TMEM135: variants seen among roughly 807,000 people sequenced by gnomAD.
TMEM135 encodes the protein peroxisomal membrane protein 52.
Under a neutral mutation model 60.3 loss-of-function variants are expected in TMEM135, and 30 were observed. That is an observed-to-expected ratio of 0.50 (90% CI 0.37 to 0.68). The LOEUF (loss-of-function observed/expected upper bound fraction) is 0.68. Ranked by LOEUF, TMEM135 falls within the 30% of genes least tolerant of loss-of-function variation. The pLI is 0.00. For synonymous variants in TMEM135, 190 were observed against 186.7 expected (o/e 1.02, Z -0.14); for missense variants, 468 against 548.8 (o/e 0.85, Z 1.47).
intron 8 of TMEM135, among the ~76,000 whole-genome samples, chr11:87,304,248 G>A (rs567125676): frequency 3.7e-4 from 57 of 152,276 alleles, no homozygotes; most frequent in African/African-American, 1.3e-3. Context: ...GCATGTGCCT[G>A]TAGTCCTAGC....
Position 87,067,706 on chromosome 11 carries a change from C to A in TMEM135, c.154C>A (p.Leu52Ile). The change falls in exon 2 of 15, where the codon CTC becomes ATC. Residue 52 changes from leucine to isoleucine, a missense_variant. Physicochemically the swap from Leu to Ile is conservative, Grantham distance 5 (BLOSUM62 2). Transcript: ENST00000305494. Reference sequence around the variant, plus strand: ...TTTCTCTTTCCAGATTGCAGCAATTCTCCGGAAACGGAAATTAGACTATTA... The same window carrying A: ...TTTCTCTTTCCAGATTGCAGCAATTATCCGGAAACGGAAATTAGACTATTA... ...YAPLYLIAAI[L>I]RKRKLDYYLH... 1 of 1,613,766 alleles carries A rather than the reference C, an allele frequency of 6.2e-7. No homozygotes were observed. The highest frequency in any genetic ancestry group is 1.7e-5 in the Admixed American group (1 of 60,020).
At chr11:87,190,504 A>G (rs899311294) in intron 5 of TMEM135, among the ~76,000 whole-genome samples, 1 of 152,200 alleles carries the variant, frequency 6.6e-6, no homozygotes, top group Non-Finnish European at 1.5e-5. Context: ...AATTTCTAAG[A>G]TATTTTTAAA....
chr11:87,264,777 A>T (rs1941719081), intron 6 of TMEM135, among the ~76,000 whole-genome samples: 1 of 151,872 alleles, frequency 6.6e-6, no homozygotes, highest in Admixed American at 6.6e-5. Context: ...CTTAAACTTT[A>T]TTCTTTGTTT....
chr11:87,075,568 A>T (rs1240846670), intron 3 of TMEM135, among the ~76,000 whole-genome samples: 3 of 152,294 alleles, frequency 2.0e-5, no homozygotes, highest in East Asian at 3.9e-4. Context: ...GGGATTACAG[A>T]TGTGAACCAC....
At chr11:87,079,239 C>G (rs780060130) in intron 3 of TMEM135, among the ~76,000 whole-genome samples, 4 of 152,094 alleles carry the variant, frequency 2.6e-5, no homozygotes, top group Non-Finnish European at 5.9e-5. Context: ...CTCCCGACCT[C>G]AGGTGATCCA....
chr11:87,042,768 A>G (rs532042503), intron 1 of TMEM135, among the ~76,000 whole-genome samples: 1 of 151,292 alleles, frequency 6.6e-6, no homozygotes, highest in African/African-American at 2.5e-5. Context: ...TTCTTGTTCT[A>G]TACATTTGCC....
chr11:87,237,344 A>G (rs1053803426), intron 6 of TMEM135, among the ~76,000 whole-genome samples: 2 of 151,838 alleles, frequency 1.3e-5, no homozygotes, highest in Non-Finnish European at 2.9e-5. Flanking sequence ...ATTTTTAGTG[A>G]TACCAATTAA....
intron 6 of TMEM135, among the ~76,000 whole-genome samples, chr11:87,252,418 C>T (rs1208930942): frequency 6.6e-6 from 1 of 152,254 alleles, no homozygotes; most frequent in East Asian, 1.9e-4. Context: ...ATAGAAAAAT[C>T]TAATGCTCGT....
In TMEM135 at chr11:87,325,144, G is replaced by T. The variant is rs1565174431; in HGVS notation, c.*3811G>T. On this transcript the variant is annotated 3_prime_UTR_variant, in exon 15 of 15. Coordinates refer to ENST00000305494, the MANE Select transcript of TMEM135 (RefSeq NM_022918.4). ...ACTGAGATGACCCTCAGATTGGGGG[G>T]CTGTCTTAGATTCTAGGGCTTTGTA... 1 of 453,442 alleles carries T rather than the reference G, an allele frequency of 2.2e-6. No homozygotes were observed. The highest frequency in any genetic ancestry group is 2.0e-5 in the African/African-American group (1 of 49,530). 28.1% of individuals were successfully genotyped at this position (453,442 alleles called of 1,614,324 possible). A position where few individuals can be genotyped will look rare whatever the true frequency, so the allele number is the denominator to read the frequency against.
At chr11:87,249,215 C>G (rs777668475) in intron 6 of TMEM135, among the ~76,000 whole-genome samples, 1 of 152,112 alleles carries the variant, frequency 6.6e-6, no homozygotes, top group Non-Finnish European at 1.5e-5. Flanking sequence ...CACTATGATA[C>G]TATCTGTGGG....
At chr11:87,105,145 C>T (rs1412115673) in intron 4 of TMEM135, among the ~76,000 whole-genome samples, 1 of 152,112 alleles carries the variant, frequency 6.6e-6, no homozygotes, top group Non-Finnish European at 1.5e-5. Flanking sequence ...ATTTTGTCTG[C>T]ATCTCTTGAG....
At chr11:87,209,454 G>A (rs1447373176) in intron 5 of TMEM135, among the ~76,000 whole-genome samples, 1 of 151,860 alleles carries the variant, frequency 6.6e-6, no homozygotes, top group East Asian at 1.9e-4. Context: ...GACAAAGAAG[G>A]GCATTGCATA....
At chr11:87,124,837 T>C (rs1045807268) in intron 4 of TMEM135, among the ~76,000 whole-genome samples, 4 of 152,200 alleles carry the variant, frequency 2.6e-5, no homozygotes, top group African/African-American at 9.7e-5. Context: ...CTCTTACTTC[T>C]GTTCTTCTCT....
chr11:87,188,147 T>G (rs1322340293), intron 5 of TMEM135, among the ~76,000 whole-genome samples: 2 of 152,062 alleles, frequency 1.3e-5, no homozygotes, highest in African/African-American at 4.8e-5. Context: ...GTTCTTATGC[T>G]TGATTCTTTA....
chr11:87,259,014 C>G, intron 6 of TMEM135: 3 of 1,523,644 alleles, frequency 2.0e-6, no homozygotes, highest in Non-Finnish European at 2.7e-6. Flanking sequence ...AGGAAGTGGT[C>G]CCAATCCACA....
At chr11:87,047,558 C>T (rs1384187269) in intron 1 of TMEM135, among the ~76,000 whole-genome samples, 5 of 116,500 alleles carry the variant, frequency 4.3e-5, no homozygotes, top group Admixed American at 1.7e-4. Flanking sequence ...GGGTGATGGA[C>T]GCACCTGGAA....
intron 10 of TMEM135, among the ~76,000 whole-genome samples, chr11:87,310,334 A>G (rs900522387): frequency 1.3e-5 from 2 of 152,182 alleles, no homozygotes; most frequent in Non-Finnish European, 2.9e-5. Context: ...GCATAATGGA[A>G]TCACTAATAT....
intron 4 of TMEM135, chr11:87,096,191 G>A (rs182231174): frequency 2.0e-5 from 6 of 303,272 alleles, no homozygotes; most frequent in African/African-American, 1.1e-4. Flanking sequence ...TTTTTTATCC[G>A]TTAAACTCTT....
At position 87,327,261 on chromosome 11, in the gene TMEM135, T is replaced by A; in HGVS notation, c.*5928T>A. The A allele has an allele frequency of 2.2e-6, 1 of 454,096 alleles. No homozygotes were observed. Among genetic ancestry groups the A allele is most frequent in the South Asian group, 1.6e-5 (1 of 64,466 alleles). The allele number at this position is 454,096 out of a possible 1,614,324, so 28.1% of individuals were successfully genotyped here. On this transcript the variant is annotated 3_prime_UTR_variant, in exon 15 of 15. Coordinates refer to ENST00000305494, the MANE Select transcript of TMEM135 (RefSeq NM_022918.4). ...GGAAAGTTCTTTTTACCTCTTTTTC[T>A]CTTGTTCAAGGTATTAGTATTAGTC...
Sources: gnomAD v4.1 joint callset for allele counts (sites outside exome capture counted in the v4.1 genomes callset) on GRCh38, gnomAD v4.1.1 for gene constraint, MANE v1.5 for transcripts, NCBI Gene and HGNC (gene_info 2026-07-23, HGNC 2026-07-21) for gene names.